The following SHPRH variants were observed in gnomAD, a reference collection of about 807,000 sequenced individuals.
SHPRH encodes the protein E3 ubiquitin-protein ligase SHPRH.
A neutral mutation model predicts 202.5 loss-of-function variants in SHPRH; 106 were observed. The ratio of observed to expected loss-of-function variants is 0.52; its 90% CI spans 0.45 to 0.62. SHPRH has a LOEUF of 0.62. SHPRH is among the 20% of genes least tolerant of loss of function. The probability of loss-of-function intolerance (pLI) is 0.00; values close to 1 mark genes in which losing one functional copy is unlikely to be tolerated. For missense variants in SHPRH, 1,710 were observed against 2,020.0 expected (o/e 0.85, Z 2.94); for synonymous variants, 729 against 686.0 (o/e 1.06, Z -0.98).
At chr6:145,874,326 ACTTC>A (rs1177503398) in intron 2 of SHPRH, among the ~76,000 whole-genome samples, 1 of 152,120 alleles carries the variant, frequency 6.6e-6, no homozygotes, top group African/African-American at 2.4e-5. Flanking sequence ...TCAAAACTTT[ACTTC>A]ATCTTTCATT....
At chr6:145,889,503 T>C (rs1781404053) in intron 28 of SHPRH, among the ~76,000 whole-genome samples, 1 of 152,044 alleles carries the variant, frequency 6.6e-6, no homozygotes, top group African/African-American at 2.4e-5. Flanking sequence ...ACGTGACAAG[T>C]GGAGGATTCA....
At chr6:145,923,842 T>G in intron 17 of SHPRH, 57 bp from the exon 18 acceptor site, 7 of 1,561,358 alleles carry the variant, frequency 4.5e-6, no homozygotes, top group South Asian at 1.2e-5. Flanking sequence ...CTCACTAAGC[T>G]TCCATCACTG....
At chr6:145,862,227 C>T (rs1210190219), downstream of SHPRH, among the ~76,000 whole-genome samples, 1 of 151,016 alleles carries the variant, frequency 6.6e-6, no homozygotes, top group Non-Finnish European at 1.5e-5. Flanking sequence ...TTTGGGAGGC[C>T]GAGGCAGGCG....
chr6:145,858,271 T>C, the SHPRH span, among the ~76,000 whole-genome samples: 1 of 152,106 alleles, frequency 6.6e-6, no homozygotes, highest in Non-Finnish European at 1.5e-5. Flanking sequence ...TGTATGCTCA[T>C]AGCCATTTTA....
intron 1 of SHPRH, among the ~76,000 whole-genome samples, chr6:145,960,318 A>C (rs564327639): frequency 4.6e-5 from 7 of 152,210 alleles, no homozygotes; most frequent in Non-Finnish European, 1.0e-4. Context: ...CATGGACCCA[A>C]TGTCAAGTGG....
At chr6:145,912,944 A>G (rs1783628422) in intron 24 of SHPRH, among the ~76,000 whole-genome samples, 1 of 152,118 alleles carries the variant, frequency 6.6e-6, no homozygotes, top group South Asian at 2.1e-4. Context: ...TACCATGTTT[A>G]TAGACATTAT....
At chr6:145,932,967 C>A in intron 14 of SHPRH, 90 bp downstream of exon 14, 1 of 1,397,874 alleles carries the variant, frequency 7.2e-7, no homozygotes, top group Non-Finnish European at 9.7e-7. Flanking sequence ...GGAAAAATCC[C>A]CCCCCCAAAA....
At chr6:145,864,628 A>G (rs1779691687) in intron 2 of SHPRH, 1 of 164,524 alleles carries the variant, frequency 6.1e-6, no homozygotes, top group Admixed American at 6.6e-5. Context: ...TTTTTTGGGT[A>G]AGCCACTTAG....
chr6:145,956,922 C>G (rs1260068153), intron 1 of SHPRH, among the ~76,000 whole-genome samples: 1 of 151,972 alleles, frequency 6.6e-6, no homozygotes, highest in Non-Finnish European at 1.5e-5. Context: ...TACTAAAATG[C>G]CTACAATACA....
intron 26 of SHPRH, 137 bp from the exon 27 acceptor site, chr6:145,894,373 A>G (rs904176687): frequency 1.4e-5 from 7 of 517,506 alleles, no homozygotes; most frequent in African/African-American, 1.2e-4. Flanking sequence ...CCTCAAATGT[A>G]GTACCATCCA....
At chr6:145,928,025 A>G (rs1424420607) in intron 14 of SHPRH, among the ~76,000 whole-genome samples, 2 of 152,002 alleles carry the variant, frequency 1.3e-5, no homozygotes, top group Non-Finnish European at 1.5e-5. Context: ...TGAATTTTAC[A>G]TTCTTAAATA....
chr6:145,910,837 G>T (rs1169183858), intron 24 of SHPRH, among the ~76,000 whole-genome samples: 2 of 152,006 alleles, frequency 1.3e-5, no homozygotes, highest in Non-Finnish European at 2.9e-5. Flanking sequence ...TATCCTAAAA[G>T]TGAGTATGAT....
intron 25 of SHPRH, among the ~76,000 whole-genome samples, chr6:145,898,565 T>C (rs559684981): frequency 8.8e-4 from 134 of 152,194 alleles, no homozygotes; most frequent in African/African-American, 3.1e-3. Context: ...TTCTGAGTCA[T>C]GGGGGTGGAT....
At chr6:145,957,779 T>C (rs1475464527) in intron 1 of SHPRH, among the ~76,000 whole-genome samples, 2 of 152,164 alleles carry the variant, frequency 1.3e-5, no homozygotes, top group Non-Finnish European at 2.9e-5. Context: ...CAGTTTCTAA[T>C]AAAATTGAAT....
At chr6:145,955,389 A>G (rs1460848015) in intron 1 of SHPRH, 35 bp from the exon 2 acceptor site, 4 of 1,513,692 alleles carry the variant, frequency 2.6e-6, no homozygotes, top group East Asian at 2.3e-5. Flanking sequence ...AGGTATAACA[A>G]GAGATGATTT....
intron 1 of SHPRH, among the ~76,000 whole-genome samples, chr6:145,961,591 G>C (rs1039309861): frequency 6.6e-6 from 1 of 152,128 alleles, no homozygotes; most frequent in African/African-American, 2.4e-5. Flanking sequence ...CTGTTCTCTG[G>C]TAAAACCTAT....
intron 2 of SHPRH, chr6:145,877,730 C>G (rs1358528261): frequency 6.6e-6 from 1 of 152,184 alleles, no homozygotes; most frequent in Non-Finnish European, 1.5e-5. Flanking sequence ...AGTCTGCCAT[C>G]TGAGAGATTC....
chr6:145,947,692 T>C (rs1378733851), intron 5 of SHPRH, 49 bp from the exon 6 acceptor site: 1 of 1,594,174 alleles, frequency 6.3e-7, no homozygotes, highest in Admixed American at 1.7e-5. Flanking sequence ...TGAATACAAA[T>C]TACAATGTTC....
At chr6:145,862,449 A>AAAAACAAAAAC (rs1562265365), downstream of SHPRH, among the ~76,000 whole-genome samples, 2,931 of 151,376 alleles carry the variant, frequency 0.019, 38 homozygotes, top group Non-Finnish European at 0.028. Context: ...AAAAAAACAA[A>AAAAACAAAAAC]AACAACAACA....
Sources: allele counts gnomAD v4.1 joint callset (sites outside exome capture counted in the v4.1 genomes callset), GRCh38; gene constraint gnomAD v4.1.1; transcripts MANE v1.5; gene names NCBI Gene and HGNC (gene_info 2026-07-23, HGNC 2026-07-21).